OXCT1: variants seen among roughly 807,000 people sequenced by gnomAD.
The protein encoded by OXCT1 is 3-oxoacid CoA-transferase 1.
Under a neutral mutation model 69.6 loss-of-function variants are expected in OXCT1, and 27 were observed. The observed-to-expected ratio is 0.39, with a 90% confidence interval of 0.29 to 0.54. OXCT1 has a LOEUF of 0.54. Among genes scored for constraint, OXCT1 ranks in the 20% least tolerant of loss-of-function variants. The probability of loss-of-function intolerance (pLI) is 0.72; values close to 1 mark genes in which losing one functional copy is unlikely to be tolerated. For synonymous variants in OXCT1, 202 were observed against 217.8 expected (o/e 0.93, Z 0.64); for missense variants, 437 against 650.2 (o/e 0.67, Z 3.57).
At chr5:41,849,296 C>T (rs1431010681) in intron 5 of OXCT1, among the ~76,000 whole-genome samples, 1 of 152,164 alleles carries the variant, frequency 6.6e-6, no homozygotes, top group Non-Finnish European at 1.5e-5. Context: ...CCAGAGATGA[C>T]TACAGCATTT....
intron 1 of OXCT1, among the ~76,000 whole-genome samples, chr5:41,869,308 C>T (rs1207613661): frequency 6.6e-6 from 1 of 152,208 alleles, no homozygotes; most frequent in African/African-American, 2.4e-5. Flanking sequence ...GGCACGCTGT[C>T]AAGCTCAGAC....
intron 7 of OXCT1, among the ~76,000 whole-genome samples, chr5:41,818,732 T>C (rs578175141): frequency 4.6e-5 from 7 of 152,306 alleles, no homozygotes; most frequent in African/African-American, 1.4e-4. Flanking sequence ...TGCCATATGC[T>C]GCATGCTCAT....
intron 13 of OXCT1, among the ~76,000 whole-genome samples, chr5:41,767,337 ATATAAT>A (rs1486094306): frequency 6.6e-6 from 1 of 152,132 alleles, no homozygotes; most frequent in African/African-American, 2.4e-5. Context: ...GGAACGAGAA[ATATAAT>A]TATATTCTCT....
intron 9 of OXCT1, 38 bp from the exon 10 acceptor site, chr5:41,803,201 G>T (rs1746505949): frequency 2.9e-6 from 4 of 1,356,238 alleles, no homozygotes; most frequent in Non-Finnish European, 2.1e-6. Flanking sequence ...CATATAAAAG[G>T]TAGAGAAGTT....
At chr5:41,772,310 A>G (rs1293583780) in intron 13 of OXCT1, among the ~76,000 whole-genome samples, 1 of 151,932 alleles carries the variant, frequency 6.6e-6, no homozygotes, top group African/African-American at 2.4e-5. Context: ...GCACAATTAG[A>G]CTTAATGTAA....
intron 11 of OXCT1, among the ~76,000 whole-genome samples, chr5:41,796,633 A>G (rs534151350): frequency 2.6e-5 from 4 of 152,300 alleles, no homozygotes; most frequent in Non-Finnish European, 4.4e-5. Flanking sequence ...ATATAAATAT[A>G]TATCTCTCGA....
intron 15 of OXCT1, among the ~76,000 whole-genome samples, chr5:41,748,386 TAGA>T (rs1356593410): frequency 1.3e-5 from 2 of 152,026 alleles, no homozygotes; most frequent in African/African-American, 4.8e-5. Context: ...GAATTATCTT[TAGA>T]AGGACTACCA....
chr5:41,773,155 C>G (rs145095602), intron 13 of OXCT1, among the ~76,000 whole-genome samples: 326 of 152,234 alleles, frequency 2.1e-3, no homozygotes, highest in African/African-American at 7.5e-3. Flanking sequence ...TTAATTTCTA[C>G]CTTATCTTTT....
At chr5:41,734,407 T>A (rs1270536777) in intron 16 of OXCT1, among the ~76,000 whole-genome samples, 3 of 152,226 alleles carry the variant, frequency 2.0e-5, no homozygotes, top group African/African-American at 7.2e-5. Flanking sequence ...TAAGCATTCA[T>A]CAGAAAAGAA....
intron 12 of OXCT1, 50 bp from the exon 13 acceptor site, chr5:41,794,128 C>T: frequency 1.4e-6 from 2 of 1,412,362 alleles, no homozygotes; most frequent in Non-Finnish European, 2.0e-6. Flanking sequence ...CTTTTGTCCC[C>T]TTTGCTTGAA....
chr5:41,857,597 C>T (rs1421970085), intron 3 of OXCT1, among the ~76,000 whole-genome samples: 1 of 152,204 alleles, frequency 6.6e-6, no homozygotes, highest in Non-Finnish European at 1.5e-5. Flanking sequence ...CTGGCTCTCT[C>T]CCTGAGAAGT....
intron 7 of OXCT1, 27 bp from the exon 8 acceptor site, chr5:41,807,465 G>C (rs1415454287): frequency 4.7e-6 from 6 of 1,283,030 alleles, no homozygotes; most frequent in Non-Finnish European, 5.7e-6. Context: ...TTCTTTCAAA[G>C]TTAGTGAAAG....
At chr5:41,790,086 T>C (rs1173057879) in intron 13 of OXCT1, among the ~76,000 whole-genome samples, 4 of 152,222 alleles carry the variant, frequency 2.6e-5, no homozygotes, top group African/African-American at 9.6e-5. Flanking sequence ...AAGTGTCCCA[T>C]TCTTTCTTGC....
At chr5:41,781,084 TA>T in intron 13 of OXCT1, among the ~76,000 whole-genome samples, 1 of 152,032 alleles carries the variant, frequency 6.6e-6, no homozygotes, top group Non-Finnish European at 1.5e-5. Context: ...TGTATTTTTT[TA>T]GTAGAGACGG....
At chr5:41,745,210 C>A (rs544587198) in intron 15 of OXCT1, among the ~76,000 whole-genome samples, 1 of 152,092 alleles carries the variant, frequency 6.6e-6, no homozygotes, top group East Asian at 1.9e-4. Context: ...TCTCTCAGAC[C>A]ACAGTGCAAT....
At chr5:41,777,305 A>G (rs1745173413) in intron 13 of OXCT1, among the ~76,000 whole-genome samples, 1 of 152,196 alleles carries the variant, frequency 6.6e-6, no homozygotes, top group South Asian at 2.1e-4. Context: ...AATGCCAGCT[A>G]CTTAGGAGGC....
At chr5:41,851,715 T>TAAA (rs577867476) in intron 4 of OXCT1, among the ~76,000 whole-genome samples, 3 of 144,906 alleles carry the variant, frequency 2.1e-5, no homozygotes, top group Non-Finnish European at 4.6e-5. Flanking sequence ...GGAAAAACTG[T>TAAA]AAAAAAAAAA....
chr5:41,833,956 C>T lies in OXCT1; in HGVS notation c.732+6495G>A, dbSNP rs116773615. On this transcript the variant is annotated intron_variant, in intron 7 of 16. Coordinates refer to ENST00000196371, the MANE Select transcript of OXCT1 (RefSeq NM_000436.4). ...GCGCACCTTTAATCCCAGCTACTTA[C>T]GAGATCATGCCACTGTACTCCAGCC... 4.4e-3 allele frequency among the ~76,000 whole-genome samples: 661 copies of T among 150,972 alleles called. 3 individuals are homozygous for T. Among genetic ancestry groups the T allele is most frequent in the African/African-American group, 0.016 (643 of 41,132 alleles).
intron 11 of OXCT1, among the ~76,000 whole-genome samples, chr5:41,795,548 G>A (rs960849622): frequency 6.6e-5 from 10 of 152,170 alleles, no homozygotes; most frequent in Admixed American, 3.3e-4. Flanking sequence ...AACATAAGAA[G>A]GAATGCAATT....
Sources: allele counts gnomAD v4.1 joint callset (sites outside exome capture counted in the v4.1 genomes callset), GRCh38; gene constraint gnomAD v4.1.1; transcripts MANE v1.5; gene names NCBI Gene and HGNC (gene_info 2026-07-23, HGNC 2026-07-21).